The following FBXL17 variants were observed in gnomAD, a reference collection of about 807,000 sequenced individuals.
The protein encoded by FBXL17 is F-box and leucine rich repeat protein 17, also known as F-box/LRR-repeat protein 17.
FBXL17 carries 22 observed loss-of-function variants against 66.2 expected under a neutral mutation model. The observed-to-expected ratio is 0.33, with a 90% CI of 0.24 to 0.47. The LOEUF (loss-of-function observed/expected upper bound fraction) is 0.47, where lower values mean the gene tolerates loss of function less well. FBXL17 is among the 20% of genes least tolerant of loss of function. FBXL17 has a pLI of 1.00. For synonymous variants in FBXL17, 474 were observed against 400.5 expected (o/e 1.18, Z -2.19); for missense variants, 878 against 948.2 (o/e 0.93, Z 0.97).
intron 1 of FBXL17, among the ~76,000 whole-genome samples, chr5:108,371,019 A>G (rs1749004143): frequency 6.6e-6 from 1 of 152,160 alleles, no homozygotes; most frequent in Non-Finnish European, 1.5e-5. Flanking sequence ...GTCCCTGTAC[A>G]GAAATGCACA....
chr5:108,244,515 T>C (rs1323602514), intron 4 of FBXL17, among the ~76,000 whole-genome samples: 1 of 152,162 alleles, frequency 6.6e-6, no homozygotes, highest in African/African-American at 2.4e-5. Flanking sequence ...GCGTATACTA[T>C]ACAATGCGCT....
At chr5:107,914,167 C>T (rs914356555) in intron 7 of FBXL17, among the ~76,000 whole-genome samples, 23 of 152,116 alleles carry the variant, frequency 1.5e-4, no homozygotes, top group African/African-American at 4.6e-4. Flanking sequence ...TTCATTGAAA[C>T]GAGAACAGTG....
chr5:108,294,482 A>G (rs1359556325), intron 4 of FBXL17, among the ~76,000 whole-genome samples: 1 of 151,996 alleles, frequency 6.6e-6, no homozygotes. Context: ...ATTCTCAATC[A>G]TTATAAATAT....
At chr5:108,030,556 T>G (rs1384510842) in intron 6 of FBXL17, among the ~76,000 whole-genome samples, 1 of 152,138 alleles carries the variant, frequency 6.6e-6, no homozygotes, top group Non-Finnish European at 1.5e-5. Flanking sequence ...CTCTTTGGCG[T>G]ATTTTGAAAT....
chr5:107,988,656 A>G (rs1194497913), intron 7 of FBXL17, among the ~76,000 whole-genome samples: 6 of 152,050 alleles, frequency 3.9e-5, no homozygotes, highest in Admixed American at 3.3e-4. Flanking sequence ...TTTGGATGAT[A>G]GTTTTTAAAT....
chr5:108,047,346 G>A (rs1284447075), intron 6 of FBXL17, among the ~76,000 whole-genome samples: 1 of 152,180 alleles, frequency 6.6e-6, no homozygotes, highest in Admixed American at 6.5e-5. Flanking sequence ...TACACCACGG[G>A]GACCTAGGGT....
At chr5:108,354,875 A>C (rs1747874808) in intron 3 of FBXL17, among the ~76,000 whole-genome samples, 1 of 152,142 alleles carries the variant, frequency 6.6e-6, no homozygotes, top group Non-Finnish European at 1.5e-5. Context: ...GAAATATTTA[A>C]AGTTTCGAGT....
At position 108,218,146 on chromosome 5, in the gene FBXL17, T is replaced by C. The variant is rs550042306; in HGVS notation, c.1614+5975A>G. On this transcript the variant is annotated intron_variant, in intron 5 of 8. Transcript: ENST00000542267. ...TCAGCCTCCAGAGTAGCTGGGACTA[T>C]AGGCGCCTGCTACCACGCCCATCTA... is the stretch of plus-strand genomic sequence containing the variant. Among the ~76,000 whole-genome samples, 15 of 150,522 alleles carry C rather than the reference T, an allele frequency of 1.0e-4. No homozygotes were observed. The East Asian group carries it at 1.0e-3, about 10-fold the overall frequency.
chr5:108,173,684 A>G (rs1752690571), intron 6 of FBXL17, among the ~76,000 whole-genome samples: 1 of 152,210 alleles, frequency 6.6e-6, no homozygotes, highest in Non-Finnish European at 1.5e-5. Context: ...CTTCTATGGA[A>G]AGACAGAGGT....
At chr5:107,874,974 C>T (rs971691707) in intron 8 of FBXL17, among the ~76,000 whole-genome samples, 1 of 152,130 alleles carries the variant, frequency 6.6e-6, no homozygotes, top group Admixed American at 6.5e-5. Flanking sequence ...CTCATTGCCC[C>T]TTTCTTTTGG....
chr5:108,028,962 C>T (rs900303373), intron 6 of FBXL17, among the ~76,000 whole-genome samples: 2 of 151,982 alleles, frequency 1.3e-5, no homozygotes, highest in African/African-American at 4.8e-5. Flanking sequence ...TAATTTGATG[C>T]CTTTGAAAGC....
chr5:108,236,535 A>C (rs1026951282), intron 4 of FBXL17, among the ~76,000 whole-genome samples: 6 of 151,844 alleles, frequency 4.0e-5, no homozygotes, highest in Non-Finnish European at 7.4e-5. Context: ...CAACAACAAC[A>C]ACCAAAAAAA....
At chr5:108,041,473 G>A (rs190888021) in intron 6 of FBXL17, among the ~76,000 whole-genome samples, 3 of 152,292 alleles carry the variant, frequency 2.0e-5, no homozygotes, top group Admixed American at 6.5e-5. Flanking sequence ...CCGGAGAGCA[G>A]TGGCGCAATC....
rs1469162573 is a variant in FBXL17 at position 108,329,699 on chromosome 5, TCTTTAA to T, written c.1506+18694_1506+18699del. Reference sequence around the variant, plus strand: ...CCACATTATATACTATAAAATAGCTTCTTTAACTTTAATCTTCAAAATATTTCACTT... The same window carrying T: ...CCACATTATATACTATAAAATAGCTTCTTTAATCTTCAAAATATTTCACTT... On this transcript the variant is annotated intron_variant, in intron 4 of 8. Coordinates refer to ENST00000542267, the MANE Select transcript of FBXL17 (RefSeq NM_001163315.3). 3.3e-5 allele frequency among the ~76,000 whole-genome samples: 5 copies of T among 152,314 alleles called. No homozygotes were observed. In the South Asian group the frequency reaches 6.2e-4, roughly 19 times the overall value.
intron 7 of FBXL17, among the ~76,000 whole-genome samples, chr5:107,921,592 T>TA (rs1436920116): frequency 6.6e-6 from 1 of 152,192 alleles, no homozygotes; most frequent in African/African-American, 2.4e-5. Flanking sequence ...TTTTCTTACT[T>TA]ACTGTTAAAC....
chr5:108,202,348 T>C (rs115666535), intron 5 of FBXL17, among the ~76,000 whole-genome samples: 2,041 of 152,214 alleles, frequency 0.013, 55 homozygotes, highest in African/African-American at 0.047. Context: ...GTGTAAGTAA[T>C]AGAGTTATAA....
intron 6 of FBXL17, among the ~76,000 whole-genome samples, chr5:108,097,705 T>C (rs994911728): frequency 4.0e-5 from 6 of 151,690 alleles, no homozygotes. Flanking sequence ...AGGAGAATCA[T>C]TTGAACCCGG....
intron 7 of FBXL17, among the ~76,000 whole-genome samples, chr5:107,971,609 T>C (rs1434689993): frequency 6.6e-6 from 1 of 152,210 alleles, no homozygotes; most frequent in Non-Finnish European, 1.5e-5. Context: ...ATTTTGTCAC[T>C]TTATAACAGA....
intron 4 of FBXL17, among the ~76,000 whole-genome samples, chr5:108,248,490 T>C (rs940278108): frequency 1.1e-4 from 17 of 152,076 alleles, no homozygotes; most frequent in African/African-American, 3.6e-4. Context: ...GTTCATGTTA[T>C]CAGAATTCCA....
Sources: allele counts gnomAD v4.1 joint callset (sites outside exome capture counted in the v4.1 genomes callset), GRCh38; gene constraint gnomAD v4.1.1; transcripts MANE v1.5; gene names NCBI Gene and HGNC (gene_info 2026-07-23, HGNC 2026-07-21).